Variants in FHIT observed in about 807,000 individuals in gnomAD.
FHIT encodes the protein bis(5'-adenosyl)-triphosphatase.
In FHIT, 19 loss-of-function variants were observed where a neutral mutation model predicts 17.9. That is an observed-to-expected ratio of 1.06 (90% CI 0.74 to 1.56). The LOEUF (loss-of-function observed/expected upper bound fraction) is 1.56, where lower values mean the gene tolerates loss of function less well. Ranked by LOEUF, FHIT falls within the 40% of genes most tolerant of loss-of-function variation. FHIT has a pLI of 0.00. For synonymous variants in FHIT, 81 were observed against 69.7 expected (o/e 1.16, Z -0.81); for missense variants, 248 against 189.2 (o/e 1.31, Z -1.82).
intron 1 of FHIT, among the ~76,000 whole-genome samples, chr3:61,249,442 G>C (rs1258752725): frequency 6.6e-6 from 1 of 152,216 alleles, no homozygotes; most frequent in Non-Finnish European, 1.5e-5. Flanking sequence ...TAGTATCTAA[G>C]TACAGAGGCA....
At chr3:60,295,208 C>T (rs867582193) in intron 5 of FHIT, among the ~76,000 whole-genome samples, 2 of 152,026 alleles carry the variant, frequency 1.3e-5, no homozygotes. Context: ...TATGATTACA[C>T]CTGTGAATAG....
At chr3:60,483,632 T>G (rs1027412446) in intron 5 of FHIT, among the ~76,000 whole-genome samples, 1 of 152,298 alleles carries the variant, frequency 6.6e-6, no homozygotes, top group Admixed American at 6.5e-5. Context: ...TCAACATCCC[T>G]TCGTGTTAAA....
At chr3:59,762,212 C>G (rs576771500) in intron 8 of FHIT, among the ~76,000 whole-genome samples, 4 of 152,260 alleles carry the variant, frequency 2.6e-5, no homozygotes, top group African/African-American at 9.6e-5. Flanking sequence ...TTTTGTCACA[C>G]TGCTCAGAAC....
chr3:60,459,832 T>C (rs1418902018), intron 5 of FHIT, among the ~76,000 whole-genome samples: 2 of 152,180 alleles, frequency 1.3e-5, no homozygotes, highest in Non-Finnish European at 2.9e-5. Context: ...CATGGAATGA[T>C]TGTAAACCGC....
chr3:60,610,030 A>C (rs901607237), intron 4 of FHIT, among the ~76,000 whole-genome samples: 7 of 152,220 alleles, frequency 4.6e-5, no homozygotes, highest in African/African-American at 1.7e-4. Flanking sequence ...ATTACAAGGC[A>C]GCTAGAATGC....
At chr3:60,572,369 A>G (rs1036085945) in intron 4 of FHIT, among the ~76,000 whole-genome samples, 21 of 152,076 alleles carry the variant, frequency 1.4e-4, no homozygotes, top group African/African-American at 4.8e-4. Flanking sequence ...TGTAGGTTAG[A>G]TTCACTCTGT....
intron 5 of FHIT, among the ~76,000 whole-genome samples, chr3:60,188,972 C>A (rs931927117): frequency 6.6e-6 from 1 of 152,088 alleles, no homozygotes; most frequent in African/African-American, 2.4e-5. Context: ...TAGCTTTCTG[C>A]ACTTCAGTAA....
rs111768486 is a variant in FHIT, at chr3:60,012,515, G to A, written c.250-1115C>T. 1.3e-3 allele frequency among the ~76,000 whole-genome samples: 200 copies of A among 151,936 alleles called. 2 individuals are homozygous for A. The highest frequency in any genetic ancestry group is 4.1e-3 in the African/African-American group (170 of 41,458). On this transcript the variant is annotated intron_variant, in intron 6 of 9. Transcript: ENST00000492590. ...AACTCCTGAGCTCAAGAGAGCTGCC[G>A]GTCTTAGCCTCCCAAAGTGCTGGGA... is the stretch of plus-strand genomic sequence containing the variant.
intron 4 of FHIT, among the ~76,000 whole-genome samples, chr3:60,561,226 A>C (rs1454624460): frequency 6.6e-6 from 1 of 152,102 alleles, no homozygotes; most frequent in Non-Finnish European, 1.5e-5. Context: ...GATAGACGCT[A>C]AGGTAGGACT....
intron 2 of FHIT, among the ~76,000 whole-genome samples, chr3:61,199,648 T>C (rs889946635): frequency 6.6e-6 from 1 of 152,102 alleles, no homozygotes. Context: ...GCCCCAGAAA[T>C]AGATTTGTCA....
intron 3 of FHIT, among the ~76,000 whole-genome samples, chr3:61,038,848 T>C (rs911870230): frequency 6.6e-6 from 1 of 152,078 alleles, no homozygotes; most frequent in Non-Finnish European, 1.5e-5. Flanking sequence ...AAATGCAGGG[T>C]CTCTTATAAC....
chr3:60,776,397 G>A (rs1252602786), intron 4 of FHIT, among the ~76,000 whole-genome samples: 4 of 152,130 alleles, frequency 2.6e-5, no homozygotes, highest in Non-Finnish European at 4.4e-5. Context: ...GATAAAGTCT[G>A]GTACCTTTCA....
chr3:60,311,509 A>G (rs1239738179), intron 5 of FHIT, among the ~76,000 whole-genome samples: 7 of 152,318 alleles, frequency 4.6e-5, no homozygotes, highest in Admixed American at 4.6e-4. Context: ...CAAACACAAG[A>G]CTGCTTAATA....
At chr3:60,816,766 C>T (rs1701755240) in intron 4 of FHIT, among the ~76,000 whole-genome samples, 1 of 151,836 alleles carries the variant, frequency 6.6e-6, no homozygotes, top group African/African-American at 2.4e-5. Flanking sequence ...GGAGGAGTTG[C>T]TCCTCTTCAA....
chr3:61,213,925 G>A lies in FHIT; in HGVS notation c.-212-13260C>T, dbSNP rs568925912. Among the ~76,000 whole-genome samples, 1,325 of 152,232 alleles carry A rather than the reference G, an allele frequency of 8.7e-3. 16 individuals carry two copies. Among genetic ancestry groups the A allele is most frequent in the African/African-American group, 0.029 (1,222 of 41,514 alleles). ...ATGACTACTGGGTACATAACGAAAT[G>A]AAGGCAGAAATAAAGATGTTCTTTG... On this transcript the variant is annotated intron_variant, in intron 1 of 9. Transcript: ENST00000492590.
chr3:61,002,885 T>C (rs181383685), intron 3 of FHIT, among the ~76,000 whole-genome samples: 2 of 152,256 alleles, frequency 1.3e-5, no homozygotes, highest in South Asian at 2.1e-4. Flanking sequence ...GATAGTTGCT[T>C]GCCTGGAATC....
At chr3:60,161,476 T>C (rs1422218117) in intron 5 of FHIT, among the ~76,000 whole-genome samples, 1 of 152,190 alleles carries the variant, frequency 6.6e-6, no homozygotes, top group Admixed American at 6.5e-5. Flanking sequence ...ATGCCAAGTC[T>C]ACCCTTAAGG....
intron 1 of FHIT, among the ~76,000 whole-genome samples, chr3:61,249,320 A>G (rs1375793726): frequency 6.6e-6 from 1 of 152,254 alleles, no homozygotes; most frequent in Admixed American, 6.5e-5. Flanking sequence ...AAATAAAGGT[A>G]TTCTAAAACT....
intron 1 of FHIT, among the ~76,000 whole-genome samples, chr3:61,223,230 A>G (rs151314031): frequency 8.5e-5 from 13 of 152,362 alleles, no homozygotes; most frequent in Non-Finnish European, 1.6e-4. Context: ...TTTAATGAAC[A>G]TGACAGACCA....
Sources: gnomAD v4.1 joint callset for allele counts (sites outside exome capture counted in the v4.1 genomes callset) on GRCh38, gnomAD v4.1.1 for gene constraint, MANE v1.5 for transcripts, NCBI Gene and HGNC (gene_info 2026-07-23, HGNC 2026-07-21) for gene names.